ZNF431: variants seen among roughly 807,000 people sequenced by gnomAD.
ZNF431 encodes the protein zinc finger protein 431.
A neutral mutation model predicts 57.0 loss-of-function variants in ZNF431; 34 were observed. That is an observed-to-expected ratio of 0.60 (90% CI 0.45 to 0.79). The LOEUF (loss-of-function observed/expected upper bound fraction) is 0.79. Among genes scored for constraint, ZNF431 ranks in the 30% least tolerant of loss-of-function variants. The probability of loss-of-function intolerance (pLI) is 0.00; values close to 1 mark genes in which losing one functional copy is unlikely to be tolerated. For synonymous variants in ZNF431, 207 were observed against 220.3 expected (o/e 0.94, Z 0.54); for missense variants, 607 against 667.1 (o/e 0.91, Z 0.99).
Position 21,161,699 on chromosome 19 carries a change from G to A in ZNF431, c.97-4636G>A, listed in dbSNP as rs111463813. On this transcript the variant is annotated intron_variant, in intron 2 of 4. Transcript: ENST00000311048. ...ATGGAGTTTTGCTCTTGTTGCGCAG[G>A]CTGGAGTGCAGTGGCGCAATCTAGG... Among the ~76,000 whole-genome samples, 1,041 of 152,182 alleles carry A rather than the reference G, an allele frequency of 6.8e-3. 18 individuals are homozygous for A. The highest frequency in any genetic ancestry group is 0.024 in the African/African-American group (1,007 of 41,522).
intron 3 of ZNF431, 108 bp downstream of exon 3, chr19:21,166,569 T>C: frequency 3.9e-6 from 5 of 1,282,828 alleles, no homozygotes; most frequent in Non-Finnish European, 4.2e-6. Context: ...GAGTTTCTAA[T>C]CCCAGTTTTC....
rs1971555827 is a variant in ZNF431, at chr19:21,193,919, C to A, written c.*9885C>A. The stretch of plus-strand genomic sequence containing the variant: ...CCATCTATGACAAATCCTCAGCTAA[C>A]ATACTGAACAGACAAAAGGGGCATG... On this transcript the variant is annotated 3_prime_UTR_variant, in exon 5 of 5. Transcript: ENST00000311048. The A allele has an allele frequency of 1.3e-5, 2 of 151,996 alleles. No homozygotes were observed. Among genetic ancestry groups the A allele is most frequent in the South Asian group, 4.1e-4 (2 of 4,820 alleles). The allele number at this position is 151,996 out of a possible 1,614,324, so 9.4% of individuals were successfully genotyped here. A position where few individuals can be genotyped will look rare whatever the true frequency, so the allele number is the denominator to read the frequency against.
At chr19:21,172,044 G>A (rs1383364524) in intron 4 of ZNF431, among the ~76,000 whole-genome samples, 1 of 151,778 alleles carries the variant, frequency 6.6e-6, no homozygotes, top group Non-Finnish European at 1.5e-5. Context: ...CTTTGTGTGA[G>A]AAAAACATTT....
At chr19:21,173,520 AT>A (rs570049013) in intron 4 of ZNF431, among the ~76,000 whole-genome samples, 178 of 152,102 alleles carry the variant, frequency 1.2e-3, no homozygotes, top group Middle Eastern at 0.01. Flanking sequence ...TTTCTTTATT[AT>A]TTTTTATTTT....
intron 2 of ZNF431, among the ~76,000 whole-genome samples, chr19:21,157,636 A>G (rs757256278): frequency 2.2e-4 from 33 of 151,632 alleles, no homozygotes; most frequent in Middle Eastern, 3.4e-3. Flanking sequence ...GGTTCAAGCT[A>G]TTCTCCTGCC....
At chr19:21,177,405 T>G (rs1351667852) in intron 4 of ZNF431, among the ~76,000 whole-genome samples, 1 of 152,200 alleles carries the variant, frequency 6.6e-6, no homozygotes, top group Non-Finnish European at 1.5e-5. Context: ...TTTATAACAG[T>G]ACCAGGCAGC....
intron 2 of ZNF431, among the ~76,000 whole-genome samples, chr19:21,163,624 C>T (rs1164771638): frequency 1.3e-5 from 2 of 152,076 alleles, no homozygotes; most frequent in African/African-American, 4.8e-5. Context: ...TGGGTTTAAG[C>T]GATTCTCCTG....
intron 2 of ZNF431, among the ~76,000 whole-genome samples, chr19:21,148,506 CT>C (rs917900149): frequency 3.9e-5 from 6 of 152,208 alleles, no homozygotes; most frequent in African/African-American, 1.4e-4. Flanking sequence ...CACAGAATCT[CT>C]TTTGCAATTA....
In ZNF431 at chr19:21,196,024, T is replaced by G. The variant is rs138916062; in HGVS notation, c.*11990T>G. 2.6e-5 allele frequency: 4 copies of G among 151,882 alleles called. No homozygotes were observed. The highest frequency in any genetic ancestry group is 3.4e-3 in the Middle Eastern group (1 of 292). 9.4% of individuals were successfully genotyped at this position (151,882 alleles called of 1,614,324 possible). ...TTATAAATTTTATATAGCATTCAAT[T>G]TGACAAAATATAAATCTATTTGATT... On this transcript the variant is annotated 3_prime_UTR_variant, in exon 5 of 5. Coordinates refer to ENST00000311048, the MANE Select transcript of ZNF431 (RefSeq NM_133473.4).
At chr19:21,169,999 C>G (rs549219303) in intron 4 of ZNF431, 27 of 395,568 alleles carry the variant, frequency 6.8e-5, no homozygotes, top group Admixed American at 4.9e-4. Flanking sequence ...GAGTTAATTT[C>G]AGAATTCTCT....
At chr19:21,164,281 GC>G (rs550176877) in intron 2 of ZNF431, among the ~76,000 whole-genome samples, 14 of 152,044 alleles carry the variant, frequency 9.2e-5, no homozygotes, top group Non-Finnish European at 1.8e-4. Context: ...TGGTCACAGG[GC>G]CCGTTCAGTT....
intron 4 of ZNF431, among the ~76,000 whole-genome samples, chr19:21,175,645 A>G (rs1279801933): frequency 6.6e-6 from 1 of 151,656 alleles, no homozygotes; most frequent in Non-Finnish European, 1.5e-5. Context: ...TTATTGTTCA[A>G]CTCCCACTTA....
chr19:21,190,870 A>G lies in ZNF431; in HGVS notation c.*6836A>G, dbSNP rs1274075208. The G allele has an allele frequency of 2.0e-5, 3 of 152,116 alleles. No individual in the cohort carries two copies. The highest frequency in any genetic ancestry group is 4.4e-5 in the Non-Finnish European group (3 of 68,004). The allele number at this position is 152,116 out of a possible 1,614,324, so 9.4% of individuals were successfully genotyped here. On this transcript the variant is annotated 3_prime_UTR_variant, in exon 5 of 5. Coordinates refer to ENST00000311048, the MANE Select transcript of ZNF431 (RefSeq NM_133473.4). ...GAGACGGGGTTTTTCTATATTGGTC[A>G]GGCTGGTCTCGAACTTCTGACCTCT... is the stretch of plus-strand genomic sequence containing the variant.
intron 4 of ZNF431, among the ~76,000 whole-genome samples, 177 bp downstream of exon 4, chr19:21,167,843 T>C (rs1197000231): frequency 6.6e-6 from 1 of 152,228 alleles, no homozygotes; most frequent in Non-Finnish European, 1.5e-5. Context: ...TTCTGTCTTA[T>C]GCTTTTAAAT....
rs145970811 is a variant in ZNF431 at position 21,173,948 on chromosome 19, G to T, written c.319+6282G>T. 1.8e-3 allele frequency among the ~76,000 whole-genome samples: 270 copies of T among 148,512 alleles called. 1 individual carries two copies. Among genetic ancestry groups the T allele is most frequent in the Middle Eastern group, 7.1e-3 (2 of 280 alleles). On this transcript the variant is annotated intron_variant, in intron 4 of 4. Coordinates refer to ENST00000311048, the MANE Select transcript of ZNF431 (RefSeq NM_133473.4). ...AGTTCAATTATTTTTTCTTTCTTTG[G>T]TTTTTTTTCTTTTTTTTTTGGGAGT...
chr19:21,147,408 C>T (rs760523167), intron 2 of ZNF431, among the ~76,000 whole-genome samples: 28 of 151,972 alleles, frequency 1.8e-4, no homozygotes, highest in South Asian at 4.2e-4. Flanking sequence ...GAGAATTACT[C>T]GAACCTGGGA....
chr19:21,176,874 T>G (rs1568311986), intron 4 of ZNF431, among the ~76,000 whole-genome samples: 1 of 152,032 alleles, frequency 6.6e-6, no homozygotes, highest in Non-Finnish European at 1.5e-5. Context: ...TTTTTGTATT[T>G]TTAGTAGAGA....
rs771935274 is a variant in ZNF431 at position 21,183,225 on chromosome 19, A to G, written c.922A>G (p.Ile308Val). Residue 308 changes from isoleucine (I) to valine (V), a missense_variant, in exon 5 of 5, where the codon ATA becomes GTA. Ile to Val is a conservative substitution (Grantham distance 29). Transcript: ENST00000311048. ...GTCCTCACACCTTACTACACATAAGATAATTCATACTGGAGAGAAGCCCTA... is the reference window on the plus strand; with the variant it reads ...GTCCTCACACCTTACTACACATAAGGTAATTCATACTGGAGAGAAGCCCTA... ...NRSSHLTTHK[I>V]IHTGEKPYKC... The G allele has an allele frequency of 5.6e-6, 9 of 1,613,978 alleles. No individual in the cohort carries two copies. Among genetic ancestry groups the G allele is most frequent in the South Asian group, 3.3e-5 (3 of 91,088 alleles).
intron 2 of ZNF431, among the ~76,000 whole-genome samples, chr19:21,145,093 C>T (rs954645561): frequency 6.4e-4 from 12 of 18,782 alleles, no homozygotes; most frequent in African/African-American, 1.9e-3. Context: ...CACATAGTTT[C>T]GAAAACCAAG....
Sources: allele counts gnomAD v4.1 joint callset (sites outside exome capture counted in the v4.1 genomes callset), GRCh38; gene constraint gnomAD v4.1.1; transcripts MANE v1.5; gene names NCBI Gene and HGNC (gene_info 2026-07-23, HGNC 2026-07-21).